The following ACOX2 variants were observed in gnomAD, a reference collection of about 807,000 sequenced individuals.
ACOX2 encodes peroxisomal acyl-coenzyme A oxidase 2.
ACOX2 carries 59 observed loss-of-function variants against 77.5 expected under a neutral mutation model. That is an observed-to-expected ratio of 0.76 (90% confidence interval 0.62 to 0.95). The LOEUF (loss-of-function observed/expected upper bound fraction) is 0.95, where lower values mean the gene tolerates loss of function less well. Ranked by LOEUF, ACOX2 falls within the 40% of genes least tolerant of loss-of-function variation. The pLI is 0.00. For synonymous variants in ACOX2, 317 were observed against 340.1 expected, an observed-to-expected ratio of 0.93 and a Z score of 0.75; for missense variants, 837 against 880.4, an observed-to-expected ratio of 0.95 and a Z score of 0.62.
intron 13 of ACOX2, 107 bp from the exon 14 acceptor site, chr3:58,509,132 G>T: frequency 3.0e-6 from 4 of 1,334,462 alleles, no homozygotes; most frequent in Non-Finnish European, 3.1e-6. Context: ...ATGATTATTC[G>T]CTTTTCAAAC....
In ACOX2 at chr3:58,531,660, G is replaced by T; in HGVS notation, c.703+33C>A. 1 of 1,607,876 alleles carries T rather than the reference G, an allele frequency of 6.2e-7. No homozygotes were observed. Among genetic ancestry groups the T allele is most frequent in the South Asian group, 1.1e-5 (1 of 90,206 alleles). ...GGAGGCCACCTGGGCTCTCCTCCTG[G>T]CAGGGTTCCTTGAGGGAGCATTATG... On this transcript the variant is annotated intron_variant, in intron 6 of 14. Transcript: ENST00000302819. This position sits in a 1 kb window ranked among gnomAD's most constrained non-coding sequence, Gnocchi z 5.8.
Position 58,514,880 on chromosome 3 carries a change from A to G in ACOX2, c.1850+2326T>C, listed in dbSNP as rs886930127. Among the ~76,000 whole-genome samples the G allele has an allele frequency of 1.3e-5, 2 of 152,172 alleles. No homozygotes were observed. The highest frequency in any genetic ancestry group is 2.9e-5 in the Non-Finnish European group (2 of 68,022). On this transcript the variant is annotated intron_variant, in intron 13 of 14. Transcript: ENST00000302819. The surrounding 1 kb of genome is among the most constrained non-coding windows in gnomAD (Gnocchi z 4.3). ...TTCTGAGAGTTTCAAAAAGATGGAC[A>G]CCCTTGGGCTTGAACTGTGCAGTAC...
intron 14 of ACOX2, 147 bp downstream of exon 14, chr3:58,508,746 T>G (rs1278469440): frequency 9.3e-7 from 1 of 1,079,896 alleles, no homozygotes; most frequent in Non-Finnish European, 1.3e-6. Context: ...TTCTTTTATG[T>G]GTTCTCTAAG....
chr3:58,533,937 C>G lies in ACOX2; in HGVS notation c.475+57G>C. 1.9e-6 allele frequency: 3 copies of G among 1,594,322 alleles called. No homozygotes were observed. The highest frequency in any genetic ancestry group is 2.6e-6 in the Non-Finnish European group (3 of 1,166,826). On this transcript the variant is annotated intron_variant, in intron 4 of 14. Coordinates refer to ENST00000302819, the MANE Select transcript of ACOX2 (RefSeq NM_003500.4). This position sits in a 1 kb window ranked among gnomAD's most constrained non-coding sequence, Gnocchi z 5.6. Reference sequence around the variant, plus strand: ...CTATGACTACCTAGATGTAAATGGGCCCTCTGGAGTTTTGCAGTGCACAAC... The same window carrying G: ...CTATGACTACCTAGATGTAAATGGGGCCTCTGGAGTTTTGCAGTGCACAAC...
rs1430521253 is a variant in ACOX2 at position 58,521,679 on chromosome 3, G to A, written c.1632+817C>T. Among the ~76,000 whole-genome samples, 2 of 152,128 alleles carry A rather than the reference G, an allele frequency of 1.3e-5. No homozygotes were observed. Among genetic ancestry groups the A allele is most frequent in the East Asian group, 3.9e-4 (2 of 5,192 alleles). On this transcript the variant is annotated intron_variant, in intron 12 of 14. Coordinates refer to ENST00000302819, the MANE Select transcript of ACOX2 (RefSeq NM_003500.4). The surrounding 1 kb of genome is among the most constrained non-coding windows in gnomAD (Gnocchi z 4.8). The stretch of plus-strand genomic sequence containing the variant: ...CCACCTCCAAACAAACTCAGCAAAG[G>A]CATTGCAATGAAAACAAAACCCCAA...
chr3:58,529,444 G>A (rs965913253), intron 8 of ACOX2, among the ~76,000 whole-genome samples: 3 of 152,290 alleles, frequency 2.0e-5, no homozygotes, highest in Non-Finnish European at 4.4e-5. Context: ...TGCCTTATCC[G>A]CTGCTATGTC....
rs1322388637 is a variant in ACOX2 at position 58,505,814 on chromosome 3, A to G, written c.1984-528T>C. On this transcript the variant is annotated intron_variant, in intron 14 of 14. Coordinates refer to ENST00000302819, the MANE Select transcript of ACOX2 (RefSeq NM_003500.4). The surrounding 1 kb of genome is among the most constrained non-coding windows in gnomAD (Gnocchi z 4.4). ...GGCTTTTGACTGTTTTTTTTTGGAG[A>G]CAGTATTGCTCTGTTGCCCAGGCTG... Among the ~76,000 whole-genome samples, 6 of 150,874 alleles carry G rather than the reference A, an allele frequency of 4.0e-5. No individual in the cohort carries two copies. Among genetic ancestry groups the G allele is most frequent in the Non-Finnish European group, 7.4e-5 (5 of 67,800 alleles).
Position 58,521,153 on chromosome 3 carries a change from A to G in ACOX2, c.1632+1343T>C, listed in dbSNP as rs1262874361. Among the ~76,000 whole-genome samples the G allele has an allele frequency of 6.6e-6, 1 of 152,194 alleles. No homozygotes were observed. The highest frequency in any genetic ancestry group is 1.9e-4 in the East Asian group (1 of 5,196). Reference sequence around the variant, plus strand: ...CCTCTGTGTTGACAGGACAGTTAGCACAGCAGGGGGTGCCCCTGCTGTAGG... The same window carrying G: ...CCTCTGTGTTGACAGGACAGTTAGCGCAGCAGGGGGTGCCCCTGCTGTAGG... On this transcript the variant is annotated intron_variant, in intron 12 of 14. Coordinates refer to ENST00000302819, the MANE Select transcript of ACOX2 (RefSeq NM_003500.4). The surrounding 1 kb of genome is among the most constrained non-coding windows in gnomAD (Gnocchi z 4.8).
chr3:58,522,138 CTG>C lies in ACOX2; in HGVS notation c.1632+356_1632+357del. The stretch of plus-strand genomic sequence containing the variant: ...GGGTGCTCAAATATTTGCCGACCGA[CTG>C]TGAATTATGCAGAAACACAAAACGA... On this transcript the variant is annotated intron_variant, in intron 12 of 14. Transcript: ENST00000302819. This position sits in a 1 kb window ranked among gnomAD's most constrained non-coding sequence, Gnocchi z 4.3. 6.6e-6 allele frequency among the ~76,000 whole-genome samples: 1 copy of C among 152,322 alleles called. No homozygotes were observed. Among genetic ancestry groups the C allele is most frequent in the African/African-American group, 2.4e-5 (1 of 41,570 alleles).
chr3:58,533,646 C>A lies in ACOX2; in HGVS notation c.476-94G>T, dbSNP rs145687445. On this transcript the variant is annotated intron_variant, in intron 4 of 14. Transcript: ENST00000302819. This position sits in a 1 kb window ranked among gnomAD's most constrained non-coding sequence, Gnocchi z 5.6. ...GTGGGTCTGAACTCTTAGGCATCAG[C>A]GCAGTATGGAGTGGGGCCCAGCTCC... 1 of 1,172,404 alleles carries A rather than the reference C, an allele frequency of 8.5e-7. No homozygotes were observed. The allele number at this position is 1,172,404 out of a possible 1,614,324, so 72.6% of individuals were successfully genotyped here. A position where few individuals can be genotyped will look rare whatever the true frequency, so the allele number is the denominator to read the frequency against.
At chr3:58,509,881 C>T (rs1305240859) in intron 13 of ACOX2, among the ~76,000 whole-genome samples, 1 of 152,096 alleles carries the variant, frequency 6.6e-6, no homozygotes, top group African/African-American at 2.4e-5. Context: ...GCTGAGATTA[C>T]AAGCATGAGC....
chr3:58,535,949 C>T lies in ACOX2; in HGVS notation c.-91-752G>A, dbSNP rs948468602. Among the ~76,000 whole-genome samples the T allele has an allele frequency of 2.6e-5, 4 of 152,160 alleles. No homozygotes were observed. Among genetic ancestry groups the T allele is most frequent in the African/African-American group, 9.7e-5 (4 of 41,436 alleles). Reference sequence around the variant, plus strand: ...GCTAGCATCCAGGCCACTGTTATCTCTTACTTGGCCTCAGTGTTCCTCTTA... The same window carrying T: ...GCTAGCATCCAGGCCACTGTTATCTTTTACTTGGCCTCAGTGTTCCTCTTA... On this transcript the variant is annotated intron_variant, in intron 1 of 14. Transcript: ENST00000302819. The surrounding 1 kb of genome is among the most constrained non-coding windows in gnomAD (Gnocchi z 4.8).
At chr3:58,509,610 GTT>G (rs148187288) in intron 13 of ACOX2, among the ~76,000 whole-genome samples, 3 of 113,230 alleles carry the variant, frequency 2.6e-5, no homozygotes, top group Non-Finnish European at 3.5e-5. Context: ...ATTTCAATCT[GTT>G]TTTTTTTTTT....
At chr3:58,506,293 A>G (rs191218973) in intron 14 of ACOX2, among the ~76,000 whole-genome samples, 3 of 152,350 alleles carry the variant, frequency 2.0e-5, no homozygotes, top group Admixed American at 6.5e-5. Context: ...ATTATCCCCA[A>G]TGATTCTTCC....
At chr3:58,527,040 G>C (rs1264100540) in intron 9 of ACOX2, among the ~76,000 whole-genome samples, 2 of 152,286 alleles carry the variant, frequency 1.3e-5, no homozygotes, top group East Asian at 3.9e-4. Flanking sequence ...TGGGTTGTAG[G>C]AGGGTGACAG....
At chr3:58,517,613 T>C (rs4544632) in intron 12 of ACOX2, among the ~76,000 whole-genome samples, 190 bp from the exon 13 acceptor site, 3 of 122,248 alleles carry the variant, frequency 2.5e-5, no homozygotes, top group Admixed American at 9.1e-5. Flanking sequence ...ATGTGTGTGT[T>C]GGGGGGGGGA....
chr3:58,524,750 C>A lies in ACOX2; in HGVS notation c.1347-145G>T. On this transcript the variant is annotated intron_variant, in intron 10 of 14. Transcript: ENST00000302819. This position sits in a 1 kb window ranked among gnomAD's most constrained non-coding sequence, Gnocchi z 5.5. ...GGTCACCAGGCCTCTGCCTGGCCTC[C>A]CTCCTGAGGGTTCCCCCTCGGGCCG... 1.1e-6 allele frequency: 1 copy of A among 918,184 alleles called. No individual in the cohort carries two copies. The highest frequency in any genetic ancestry group is 1.6e-6 in the Non-Finnish European group (1 of 621,994). 56.9% of individuals were successfully genotyped at this position (918,184 alleles called of 1,614,324 possible).
Position 58,521,479 on chromosome 3 carries a change from C to A in ACOX2, c.1632+1017G>T, listed in dbSNP as rs1401213108. ...CCCAGCACTCTGAGGCCTGTCCCTGCCTTCTTCCCCCTTAGCATCTCTGAT... is the reference window on the plus strand; with the variant it reads ...CCCAGCACTCTGAGGCCTGTCCCTGACTTCTTCCCCCTTAGCATCTCTGAT... On this transcript the variant is annotated intron_variant, in intron 12 of 14. Coordinates refer to ENST00000302819, the MANE Select transcript of ACOX2 (RefSeq NM_003500.4). The surrounding 1 kb of genome is among the most constrained non-coding windows in gnomAD (Gnocchi z 4.8). Among the ~76,000 whole-genome samples, 5 of 152,182 alleles carry A rather than the reference C, an allele frequency of 3.3e-5. No homozygotes were observed. The highest frequency in any genetic ancestry group is 4.8e-5 in the African/African-American group (2 of 41,440).
At chr3:58,507,026 C>T (rs1439714542) in intron 14 of ACOX2, among the ~76,000 whole-genome samples, 1 of 152,184 alleles carries the variant, frequency 6.6e-6, no homozygotes, top group African/African-American at 2.4e-5. Context: ...AGCCTCATGT[C>T]ATTTTAACTG....
Sources: allele counts gnomAD v4.1 joint callset (sites outside exome capture counted in the v4.1 genomes callset), GRCh38; gene constraint gnomAD v4.1.1; non-coding constraint Gnocchi (gnomAD v3.1); transcripts MANE v1.5; gene names NCBI Gene and HGNC (gene_info 2026-07-23, HGNC 2026-07-21).